The following ITGA9 variants were observed in gnomAD, a reference collection of about 807,000 sequenced individuals.
The protein encoded by ITGA9 is integrin subunit alpha 9, also known as integrin alpha-9.
Under a neutral mutation model 127.8 loss-of-function variants are expected in ITGA9, and 56 were observed. That is an observed-to-expected ratio of 0.44 (90% CI 0.35 to 0.55). ITGA9 has a LOEUF of 0.55. Ranked by LOEUF, ITGA9 falls within the 20% of genes least tolerant of loss-of-function variation. ITGA9 has a pLI of 0.00. For missense variants in ITGA9, 1,196 were observed against 1,347.1 expected, an observed-to-expected ratio of 0.89 and a Z score of 1.76; for synonymous variants, 508 against 514.5, an observed-to-expected ratio of 0.99 and a Z score of 0.17.
chr3:37,579,966 AT>A (rs1447420009), intron 15 of ITGA9, among the ~76,000 whole-genome samples: 1 of 152,214 alleles, frequency 6.6e-6, no homozygotes, highest in Non-Finnish European at 1.5e-5. Flanking sequence ...ATAATTATCC[AT>A]TTAATGTGTT....
intron 15 of ITGA9, among the ~76,000 whole-genome samples, chr3:37,557,364 G>A (rs1699440734): frequency 6.6e-6 from 1 of 152,190 alleles, no homozygotes; most frequent in African/African-American, 2.4e-5. Context: ...GTTGATTGTA[G>A]TGAGTACGCT....
At position 37,806,284 on chromosome 3, in the gene ITGA9, G is replaced by GGT. The variant is rs891340124; in HGVS notation, c.3009+2356_3009+2357dup. ...GGGCTTTGGTGCATGAGTGTGTGTGGGTGTGTGTGTGTGTGCGTGCGCGTG... is the reference window on the plus strand; with the variant it reads ...GGGCTTTGGTGCATGAGTGTGTGTGGGTGTGTGTGTGTGTGTGCGTGCGCGTG... On this transcript the variant is annotated intron_variant, in intron 27 of 27. Coordinates refer to ENST00000264741, the MANE Select transcript of ITGA9 (RefSeq NM_002207.3). This position sits in a 1 kb window ranked among gnomAD's most constrained non-coding sequence, Gnocchi z 4.3. The GGT allele has an allele frequency of 1.3e-4, 20 of 149,044 alleles. No individual in the cohort carries two copies. The East Asian group carries it at 1.9e-3, about 15-fold the overall frequency. The allele number at this position is 149,044 out of a possible 1,614,324, so 9.2% of individuals were successfully genotyped here.
intron 19 of ITGA9, among the ~76,000 whole-genome samples, chr3:37,733,782 C>G (rs983545922): frequency 2.6e-5 from 4 of 151,992 alleles, no homozygotes; most frequent in Non-Finnish European, 5.9e-5. Flanking sequence ...TTTAAACCAC[C>G]CAAGCTAGGG....
At chr3:37,550,798 A>G (rs2125594659) in intron 15 of ITGA9, among the ~76,000 whole-genome samples, 1 of 152,352 alleles carries the variant, frequency 6.6e-6, no homozygotes, top group South Asian at 2.1e-4. Flanking sequence ...CTGAAAATTT[A>G]ACAGTTGGCT....
At chr3:37,540,502 T>C (rs977304533) in intron 14 of ITGA9, among the ~76,000 whole-genome samples, 3 of 152,172 alleles carry the variant, frequency 2.0e-5, no homozygotes, top group Non-Finnish European at 2.9e-5. Context: ...TTCAAAAAAA[T>C]GGGAGGTTTT....
At chr3:37,474,229 T>C (rs762617694) in intron 3 of ITGA9, among the ~76,000 whole-genome samples, 8 of 152,220 alleles carry the variant, frequency 5.3e-5, no homozygotes, top group Non-Finnish European at 1.0e-4. Flanking sequence ...AGTTGTGCTG[T>C]GCAGTAAGGT....
intron 4 of ITGA9, 140 bp downstream of exon 4, chr3:37,481,747 TG>T: frequency 8.5e-7 from 1 of 1,171,318 alleles, no homozygotes; most frequent in South Asian, 1.2e-5. Context: ...TGCTCCCAGA[TG>T]GTCTCTTGGT....
intron 23 of ITGA9, among the ~76,000 whole-genome samples, chr3:37,762,428 G>T (rs1162274986): frequency 6.6e-6 from 1 of 152,204 alleles, no homozygotes; most frequent in African/African-American, 2.4e-5. Flanking sequence ...GGCAAGACAT[G>T]TCATGGGGGA....
intron 23 of ITGA9, among the ~76,000 whole-genome samples, chr3:37,767,360 A>G (rs1457562563): frequency 1.3e-5 from 2 of 152,190 alleles, no homozygotes; most frequent in Admixed American, 1.3e-4. Context: ...CACAGGGATG[A>G]CTGCCTTAAG....
chr3:37,626,779 T>C (rs1390244221), intron 15 of ITGA9, among the ~76,000 whole-genome samples: 4 of 152,180 alleles, frequency 2.6e-5, no homozygotes, highest in East Asian at 3.8e-4. Context: ...CTGGAACACA[T>C]TTGGTAGCCA....
chr3:37,589,529 A>C (rs1033535987), intron 15 of ITGA9, among the ~76,000 whole-genome samples: 14 of 152,224 alleles, frequency 9.2e-5, no homozygotes, highest in Admixed American at 9.2e-4. Context: ...AAGGTGGATA[A>C]GGGAAAGGGG....
intron 17 of ITGA9, among the ~76,000 whole-genome samples, chr3:37,673,564 ACCT>A (rs1437629807): frequency 6.6e-6 from 1 of 151,362 alleles, no homozygotes; most frequent in East Asian, 1.9e-4. Flanking sequence ...CAATCACAAC[ACCT>A]CCTCCCTCAG....
In ITGA9 at chr3:37,565,495, T is replaced by G. The variant is rs1699537170; in HGVS notation, c.1689+22910T>G. Reference sequence around the variant, plus strand: ...AGCCAGTTCCCCTACCTCATGTGATTGTAGAGTGGTTCTTACACTAGGGTG... The same window carrying G: ...AGCCAGTTCCCCTACCTCATGTGATGGTAGAGTGGTTCTTACACTAGGGTG... On this transcript the variant is annotated intron_variant, in intron 15 of 27. Transcript: ENST00000264741. Among the ~76,000 whole-genome samples the G allele has an allele frequency of 1.3e-5, 2 of 152,234 alleles. 1 individual carries two copies. The highest frequency in any genetic ancestry group is 2.9e-5 in the Non-Finnish European group (2 of 68,030).
At chr3:37,800,981 A>G (rs1440512720) in intron 26 of ITGA9, among the ~76,000 whole-genome samples, 2 of 152,122 alleles carry the variant, frequency 1.3e-5, no homozygotes, top group East Asian at 1.9e-4. Flanking sequence ...CCAGGCCAAC[A>G]TGGTGAAACC....
rs1369149293 is a variant in ITGA9 at position 37,784,973 on chromosome 3, A to G, written c.2788-4A>G. The G allele has an allele frequency of 1.2e-6, 2 of 1,611,336 alleles. No individual in the cohort carries two copies. The highest frequency in any genetic ancestry group is 3.3e-5 in the Admixed American group (2 of 60,026). On this transcript the variant is annotated splice_region_variant and splice_polypyrimidine_tract_variant and intron_variant, in intron 25 of 27. Transcript: ENST00000264741. Reference sequence around the variant, plus strand: ...TCAAGTAAGTTGTGTTGTTTCTTCCACAGGACAGTTCGTCTGTCATCCAGT... The same window carrying G: ...TCAAGTAAGTTGTGTTGTTTCTTCCGCAGGACAGTTCGTCTGTCATCCAGT...
chr3:37,608,418 G>A (rs1418231454), intron 15 of ITGA9, among the ~76,000 whole-genome samples: 9 of 146,538 alleles, frequency 6.1e-5, no homozygotes, highest in African/African-American at 2.2e-4. Flanking sequence ...AGTGGAAAAT[G>A]ACTCAACCAA....
intron 27 of ITGA9, chr3:37,818,191 T>TAAAAAAAAAAAAAAAAAAAA (rs748381488): frequency 6.3e-5 from 2 of 31,970 alleles, no homozygotes; most frequent in African/African-American, 1.9e-4. Flanking sequence ...TAAGACTCTC[T>TAAAAAAAAAAAAAAAAAAAA]AAAAAAAAAA....
At chr3:37,571,799 G>A (rs77383065) in intron 15 of ITGA9, among the ~76,000 whole-genome samples, 1,775 of 152,150 alleles carry the variant, frequency 0.012, 43 homozygotes, top group African/African-American at 0.041. Context: ...GGGCTGGAAG[G>A]TGGCAGGGGA....
chr3:37,727,722 T>C (rs1463540158), intron 18 of ITGA9, among the ~76,000 whole-genome samples: 1 of 152,246 alleles, frequency 6.6e-6, no homozygotes, highest in Non-Finnish European at 1.5e-5. Context: ...ATATTTTGTC[T>C]GGTTTTCGGT....
Sources: allele counts gnomAD v4.1 joint callset (sites outside exome capture counted in the v4.1 genomes callset), GRCh38; gene constraint gnomAD v4.1.1; non-coding constraint Gnocchi (gnomAD v3.1); transcripts MANE v1.5; gene names NCBI Gene and HGNC (gene_info 2026-07-23, HGNC 2026-07-21).